CCDC170: variants seen among roughly 807,000 people sequenced by gnomAD.
CCDC170 encodes coiled-coil domain containing 170.
CCDC170 carries 69 observed loss-of-function variants against 72.6 expected under a neutral mutation model. That is an observed-to-expected ratio of 0.95 (90% confidence interval 0.78 to 1.16). The LOEUF is 1.16. Ranked by LOEUF, CCDC170 falls within the 50% of genes most tolerant of loss-of-function variation. The probability of loss-of-function intolerance (pLI) is 0.00; values close to 1 mark genes in which losing one functional copy is unlikely to be tolerated. For missense variants in CCDC170, 852 were observed against 832.5 expected, an observed-to-expected ratio of 1.02 and a Z score of -0.29; for synonymous variants, 300 against 303.9, an observed-to-expected ratio of 0.99 and a Z score of 0.13.
intron 6 of CCDC170, among the ~76,000 whole-genome samples, chr6:151,579,394 A>G (rs554893885): frequency 6.6e-6 from 1 of 152,336 alleles, no homozygotes; most frequent in East Asian, 1.9e-4. Context: ...TGTCATGTGC[A>G]CTGACACCTA....
chr6:151,530,712 G>A (rs1782480764), intron 1 of CCDC170, among the ~76,000 whole-genome samples: 1 of 152,020 alleles, frequency 6.6e-6, no homozygotes, highest in Admixed American at 6.6e-5. Flanking sequence ...TAGGATTACA[G>A]GTGTGAGCCA....
chr6:151,499,725 A>G (rs1680220112), intron 1 of CCDC170, among the ~76,000 whole-genome samples: 1 of 149,324 alleles, frequency 6.7e-6, no homozygotes, highest in African/African-American at 2.5e-5. Flanking sequence ...GGCTTATTTC[A>G]CTTAGCATAA....
At position 151,573,210 on chromosome 6, in the gene CCDC170, G is replaced by A. The variant is rs1776249007; in HGVS notation, c.811G>A (p.Glu271Lys). The A allele has an allele frequency of 1.2e-6, 2 of 1,613,936 alleles. No homozygotes were observed. Among genetic ancestry groups the A allele is most frequent in the South Asian group, 2.2e-5 (2 of 91,070 alleles). ...TGCTGTAGAAGCAAAAGAAGCTCTTGAAAGGGAAGTTAAGATCTTCCAAGA... is the reference window on the plus strand; with the variant it reads ...TGCTGTAGAAGCAAAAGAAGCTCTTAAAAGGGAAGTTAAGATCTTCCAAGA... ...LSAVEAKEAL[E>K]REVKIFQERL... The change falls in exon 6 of 11, where the codon GAA becomes AAA. Residue 271 changes from glutamate (E) to lysine (K), a missense_variant. Glu to Lys is a moderately conservative substitution (Grantham distance 56, BLOSUM62 1). Coordinates refer to ENST00000239374, the MANE Select transcript of CCDC170 (RefSeq NM_025059.4).
At chr6:151,565,296 GA>G (rs1309657852) in intron 5 of CCDC170, among the ~76,000 whole-genome samples, 3 of 152,200 alleles carry the variant, frequency 2.0e-5, no homozygotes, top group Non-Finnish European at 4.4e-5. Context: ...TGGTGTTTGG[GA>G]TTCAGCCTGA....
At chr6:151,615,848 A>G (rs770297677) in intron 10 of CCDC170, 169 bp downstream of exon 10, 25 of 611,142 alleles carry the variant, frequency 4.1e-5, no homozygotes, top group Admixed American at 8.8e-5. Context: ...GTATCGTTCC[A>G]ATGTTAACAC....
chr6:151,558,907 A>G (rs1056532161), intron 5 of CCDC170, among the ~76,000 whole-genome samples: 1 of 150,546 alleles, frequency 6.6e-6, no homozygotes, highest in African/African-American at 2.4e-5. Flanking sequence ...AAATTTTATG[A>G]TTTTTTTCCA....
chr6:151,517,469 T>C (rs556526523), intron 1 of CCDC170, among the ~76,000 whole-genome samples: 1 of 149,792 alleles, frequency 6.7e-6, no homozygotes, highest in East Asian at 2.0e-4. Flanking sequence ...AGTCCTGCAC[T>C]GTCACCCAGG....
intron 9 of CCDC170, among the ~76,000 whole-genome samples, chr6:151,598,242 A>G (rs9397065): frequency 0.42 from 64,296 of 151,964 alleles, 16,724 homozygotes; most frequent in East Asian, 0.82. Flanking sequence ...TTTAGTGGGG[A>G]TTTGGAATAG....
At chr6:151,541,821 A>G in intron 3 of CCDC170, among the ~76,000 whole-genome samples, 1 of 147,060 alleles carries the variant, frequency 6.8e-6, no homozygotes, top group South Asian at 2.1e-4. Flanking sequence ...AAATATATAT[A>G]TGTATATATA....
chr6:151,611,589 TATC>T (rs1478431176), intron 9 of CCDC170, among the ~76,000 whole-genome samples: 1 of 152,182 alleles, frequency 6.6e-6, no homozygotes, highest in East Asian at 1.9e-4. Flanking sequence ...CACTTCTTAA[TATC>T]ATCATTGTGG....
chr6:151,499,505 A>G (rs1781960803), intron 1 of CCDC170, among the ~76,000 whole-genome samples: 1 of 127,288 alleles, frequency 7.9e-6, no homozygotes, highest in South Asian at 2.5e-4. Flanking sequence ...ACTCTGTATA[A>G]GTGGAATCAG....
At position 151,618,455 on chromosome 6, in the gene CCDC170, C is replaced by T. The variant is rs78077676; in HGVS notation, c.*308C>T. 3 of 316,926 alleles carry T rather than the reference C, an allele frequency of 9.5e-6. No homozygotes were observed. Among genetic ancestry groups the T allele is most frequent in the African/African-American group, 2.1e-5 (1 of 46,950 alleles). The allele number at this position is 316,926 out of a possible 1,614,324, so 19.6% of individuals were successfully genotyped here. On this transcript the variant is annotated 3_prime_UTR_variant, in exon 11 of 11. Coordinates refer to ENST00000239374, the MANE Select transcript of CCDC170 (RefSeq NM_025059.4). ...GGAGGTATCTATTTTAAGTCAGGGG[C>T]TTTACTAGCCGATTTAGTTCTCACA...
Position 151,573,191 on chromosome 6 carries a change from A to G in CCDC170, c.792A>G (p.Val264=). The G allele has an allele frequency of 6.2e-7, 1 of 1,613,552 alleles. No homozygotes were observed. Among genetic ancestry groups the G allele is most frequent in the Non-Finnish European group, 8.5e-7 (1 of 1,179,912 alleles). The change falls in exon 6 of 11, where the codon GTA becomes GTG. Residue 264 remains valine, a synonymous_variant. Transcript: ENST00000239374. The part of the protein sequence containing the change: ...EKLNQDLLSA[V]EAKEALEREV... ...CATTTTAGGACCTGCTCAGTGCTGT[A>G]GAAGCAAAAGAAGCTCTTGAAAGGG...
intron 5 of CCDC170, among the ~76,000 whole-genome samples, chr6:151,564,503 C>T (rs1776097172): frequency 6.6e-6 from 1 of 152,096 alleles, no homozygotes; most frequent in South Asian, 2.1e-4. Context: ...GCAGGTGGGT[C>T]TTTCAGTCCC....
chr6:151,600,569 G>C (rs935026328), intron 9 of CCDC170, among the ~76,000 whole-genome samples: 1 of 151,760 alleles, frequency 6.6e-6, no homozygotes, highest in East Asian at 1.9e-4. Context: ...ACCTGCAAAG[G>C]CCCTTATCTA....
intron 1 of CCDC170, among the ~76,000 whole-genome samples, chr6:151,496,192 A>T (rs1341339784): frequency 6.6e-6 from 1 of 152,150 alleles, no homozygotes; most frequent in Non-Finnish European, 1.5e-5. Flanking sequence ...ATAACATAAG[A>T]GATGTTATGT....
intron 1 of CCDC170, among the ~76,000 whole-genome samples, chr6:151,526,949 C>T (rs1054716556): frequency 4.0e-5 from 6 of 151,238 alleles, no homozygotes; most frequent in African/African-American, 1.2e-4. Flanking sequence ...GCAGTGGCAC[C>T]ATCATTGTCA....
In CCDC170 at chr6:151,598,266, C is replaced by A. The variant is rs191498032; in HGVS notation, c.1710+1689C>A. 1.4e-4 allele frequency among the ~76,000 whole-genome samples: 22 copies of A among 152,310 alleles called. No homozygotes were observed. The East Asian group carries it at 1.5e-3, about 11-fold the overall frequency. Reference sequence around the variant, plus strand: ...GATTTGGAATAGGGTGGAATAGCATCAGCTGCTCTAATCCTGGCTGGAAGA... The same window carrying A: ...GATTTGGAATAGGGTGGAATAGCATAAGCTGCTCTAATCCTGGCTGGAAGA... On this transcript the variant is annotated intron_variant, in intron 9 of 10. Transcript: ENST00000239374.
chr6:151,527,971 T>C (rs1782437323), intron 1 of CCDC170, among the ~76,000 whole-genome samples: 1 of 152,164 alleles, frequency 6.6e-6, no homozygotes, highest in African/African-American at 2.4e-5. Context: ...TGTCCCCAGG[T>C]CAGATAATTT....
Sources: gnomAD v4.1 joint callset for allele counts (sites outside exome capture counted in the v4.1 genomes callset) on GRCh38, gnomAD v4.1.1 for gene constraint, MANE v1.5 for transcripts, NCBI Gene and HGNC (gene_info 2026-07-23, HGNC 2026-07-21) for gene names.